Variants in ADAM28 observed in about 807,000 individuals in gnomAD.
ADAM28 encodes ADAM metallopeptidase domain 28.
Under a neutral mutation model 101.2 loss-of-function variants are expected in ADAM28, and 105 were observed. The ratio of observed to expected loss-of-function variants is 1.04; its 90% CI spans 0.89 to 1.22. ADAM28 has a LOEUF of 1.22. ADAM28 is among the 50% of genes most tolerant of loss of function. ADAM28 has a pLI of 0.00. For missense variants in ADAM28, 1,028 were observed against 945.4 expected, an observed-to-expected ratio of 1.09 and a Z score of -1.15; for synonymous variants, 322 against 310.6, an observed-to-expected ratio of 1.04 and a Z score of -0.39.
rs1014391605 is a variant in ADAM28 at position 24,355,278 on chromosome 8, G to A, written c.*874G>A. 2.0e-5 allele frequency: 3 copies of A among 152,154 alleles called. No homozygotes were observed. Among genetic ancestry groups the A allele is most frequent in the African/African-American group, 7.2e-5 (3 of 41,436 alleles). 9.4% of individuals were successfully genotyped at this position (152,154 alleles called of 1,614,324 possible). The stretch of plus-strand genomic sequence containing the variant: ...CTTACATTGCCCATAGCAACCGTCA[G>A]CTTAGTTGATGGGTAATGTAGCAAA... On this transcript the variant is annotated 3_prime_UTR_variant, in exon 23 of 23. Transcript: ENST00000265769.
chr8:24,321,078 G>T (rs1811808765), intron 7 of ADAM28, 140 bp from the exon 8 acceptor site: 1 of 581,598 alleles, frequency 1.7e-6, no homozygotes, highest in Non-Finnish European at 3.0e-6. Context: ...GAATTAATTT[G>T]ATTCTAACTT....
chr8:24,329,341 C>T (rs1193477122), intron 10 of ADAM28, among the ~76,000 whole-genome samples: 1 of 152,138 alleles, frequency 6.6e-6, no homozygotes, highest in East Asian at 1.9e-4. Context: ...AGATTCTTAT[C>T]TCCTCAATAG....
Position 24,326,455 on chromosome 8 carries a change from TGA to T in ADAM28, c.891-97_891-96del, listed in dbSNP as rs1466227007. 28 of 1,063,738 alleles carry T rather than the reference TGA, an allele frequency of 2.6e-5. No individual in the cohort carries two copies. In the East Asian group the frequency reaches 6.8e-4, roughly 26 times the overall value. The allele number at this position is 1,063,738 out of a possible 1,614,324, so 65.9% of individuals were successfully genotyped here. ...AAAATATGACAGTGATGGTTCACAGTGAGTTTTTCTGCTAACCATTTAGGGTT... is the reference window on the plus strand; with the variant it reads ...AAAATATGACAGTGATGGTTCACAGTGTTTTTCTGCTAACCATTTAGGGTT... On this transcript the variant is annotated intron_variant, in intron 9 of 22. Coordinates refer to ENST00000265769, the MANE Select transcript of ADAM28 (RefSeq NM_014265.6).
At chr8:24,301,362 T>C (rs28452358) in intron 2 of ADAM28, among the ~76,000 whole-genome samples, 29,560 of 152,114 alleles carry the variant, frequency 0.19, 3,138 homozygotes, top group East Asian at 0.33. Flanking sequence ...TTTTTCCTGT[T>C]GTGCATTATG....
Position 24,347,865 on chromosome 8 carries a change from ACATTTTTCCATATTTT to A in ADAM28, c.1991-1991_1991-1976del, listed in dbSNP as rs535508598. On this transcript the variant is annotated intron_variant, in intron 18 of 22. Transcript: ENST00000265769. ...TTTGGTCTGTATTTGCCCTGAAATA[ACATTTTTCCATATTTT>A]CATTTTTATCCTTTCTGAATCACGT... Among the ~76,000 whole-genome samples, 6 of 152,222 alleles carry A rather than the reference ACATTTTTCCATATTTT, an allele frequency of 3.9e-5. No individual in the cohort carries two copies. In the South Asian group the frequency reaches 1.2e-3, roughly 32 times the overall value.
intron 14 of ADAM28, among the ~76,000 whole-genome samples, chr8:24,337,497 C>A (rs1814244363): frequency 6.6e-6 from 1 of 152,214 alleles, no homozygotes; most frequent in Non-Finnish European, 1.5e-5. Context: ...ACATTGTCTA[C>A]ATTGTTCACA....
intron 12 of ADAM28, among the ~76,000 whole-genome samples, chr8:24,331,928 G>A (rs2129309793): frequency 6.6e-6 from 1 of 152,192 alleles, no homozygotes; most frequent in East Asian, 1.9e-4. Flanking sequence ...TATAAATAAT[G>A]CATCAAGCCT....
chr8:24,323,995 G>T lies in ADAM28; in HGVS notation c.882G>T (p.Gln294His). The T allele has an allele frequency of 6.2e-7, 1 of 1,611,538 alleles. No individual in the cohort carries two copies. Among genetic ancestry groups the T allele is most frequent in the Non-Finnish European group, 8.5e-7 (1 of 1,178,432 alleles). ...LSRRKRHDIA[Q>H]LITATELAGT... Reference sequence around the variant, plus strand: ...GAAGAAAGCGTCATGATATTGCTCAGTTAATCACGTATGTACAGATTTTCT... The same window carrying T: ...GAAGAAAGCGTCATGATATTGCTCATTTAATCACGTATGTACAGATTTTCT... Residue 294 changes from glutamine to histidine, a missense_variant, in exon 9 of 23, where the codon CAG becomes CAT. Physicochemically the swap from Gln to His is conservative, Grantham distance 24. Coordinates refer to ENST00000265769, the MANE Select transcript of ADAM28 (RefSeq NM_014265.6).
chr8:24,335,416 A>T, intron 13 of ADAM28, 30 bp from the exon 14 acceptor site: 1 of 1,569,908 alleles, frequency 6.4e-7, no homozygotes, highest in Admixed American at 1.9e-5. Context: ...TAGGGAGAAT[A>T]AAAAGCCTTC....
At chr8:24,341,783 C>T in intron 16 of ADAM28, 26 bp downstream of exon 16, 1 of 1,612,914 alleles carries the variant, frequency 6.2e-7, no homozygotes, top group Non-Finnish European at 8.5e-7. Context: ...GGCTTTCACT[C>T]AAAATAGTGT....
intron 5 of ADAM28, 85 bp from the exon 6 acceptor site, chr8:24,313,303 A>C: frequency 7.8e-7 from 1 of 1,284,512 alleles, no homozygotes; most frequent in Non-Finnish European, 1.0e-6. Flanking sequence ...AGGAATTTTA[A>C]AGGTCCTCTT....
intron 1 of ADAM28, among the ~76,000 whole-genome samples, chr8:24,298,874 G>A (rs1315254737): frequency 3.3e-5 from 5 of 152,184 alleles, no homozygotes; most frequent in Middle Eastern, 3.4e-3. Context: ...TGTTAGCTTC[G>A]AGAAAATTGA....
At chr8:24,307,898 C>T (rs112252774) in intron 2 of ADAM28, among the ~76,000 whole-genome samples, 240 of 152,250 alleles carry the variant, frequency 1.6e-3, no homozygotes, top group African/African-American at 5.4e-3. Context: ...CTAGAGCTCA[C>T]GGATTTACTG....
intron 22 of ADAM28, 100 bp from the exon 23 acceptor site, chr8:24,354,284 G>T: frequency 2.9e-6 from 3 of 1,045,498 alleles, no homozygotes; most frequent in East Asian, 2.7e-5. Context: ...AATAGAAACT[G>T]ACTTCAGATA....
intron 19 of ADAM28, among the ~76,000 whole-genome samples, chr8:24,350,568 C>A (rs930289560): frequency 6.6e-6 from 1 of 152,152 alleles, no homozygotes; most frequent in African/African-American, 2.4e-5. Context: ...ACTTTGGCTT[C>A]CCTAAGTGCC....
Position 24,311,361 on chromosome 8 carries a change from G to T in ADAM28, c.307G>T (p.Asp103Tyr). ...KEITTSPQIM[D>Y]DCYYQGHILN... ...CTTTACAAAACCCCTTTTCCTTTAG[G>T]ATGATTGTTATTATCAAGGACATAT... Residue 103 changes from aspartate to tyrosine, a missense_variant and splice_region_variant, in exon 5 of 23, where the codon GAT becomes TAT. Asp to Tyr is a radical substitution (Grantham distance 160). Coordinates refer to ENST00000265769, the MANE Select transcript of ADAM28 (RefSeq NM_014265.6). 1 of 1,610,906 alleles carries T rather than the reference G, an allele frequency of 6.2e-7. No homozygotes were observed.
chr8:24,325,887 A>ACAAACAAACAAAC (rs777636167), intron 9 of ADAM28, among the ~76,000 whole-genome samples: 24 of 135,972 alleles, frequency 1.8e-4, no homozygotes, highest in East Asian at 7.1e-4. Flanking sequence ...AAAAAAAAAA[A>ACAAACAAACAAAC]AAAAAAAAAA....
intron 12 of ADAM28, among the ~76,000 whole-genome samples, chr8:24,331,675 C>T (rs1369078): frequency 0.15 from 23,531 of 151,948 alleles, 1,933 homozygotes; most frequent in East Asian, 0.35. Context: ...CTATGAGTGC[C>T]CAGAGTACAA....
At position 24,320,279 on chromosome 8, in the gene ADAM28, A is replaced by C. The variant is rs754753710; in HGVS notation, c.620A>C (p.Glu207Ala). 3.1e-6 allele frequency: 5 copies of C among 1,603,890 alleles called. No individual in the cohort carries two copies. In the African/African-American group the frequency reaches 6.7e-5, roughly 22 times the overall value. Reference protein sequence around the residue: ...RKVQEHEKYIEYYLVLDNGEF... With the variant: ...RKVQEHEKYIAYYLVLDNGEF... ...GTTCAGGAACATGAGAAATACATAG[A>C]ATATTATTTGGTCCTGGATAATGGT... The change falls in exon 7 of 23, where the codon GAA becomes GCA. Residue 207 changes from glutamate (E) to alanine (A), a missense_variant. Physicochemically the swap from Glu to Ala is moderately radical, Grantham distance 107. Coordinates refer to ENST00000265769, the MANE Select transcript of ADAM28 (RefSeq NM_014265.6).
Sources: allele counts gnomAD v4.1 joint callset (sites outside exome capture counted in the v4.1 genomes callset), GRCh38; gene constraint gnomAD v4.1.1; transcripts MANE v1.5; gene names NCBI Gene and HGNC (gene_info 2026-07-23, HGNC 2026-07-21).